The following ADAMTS9 variants were observed in gnomAD, a reference collection of about 807,000 sequenced individuals.
The protein encoded by ADAMTS9 is A disintegrin and metalloproteinase with thrombospondin motifs 9.
ADAMTS9 carries 107 observed loss-of-function variants against 257.1 expected under a neutral mutation model. That is an observed-to-expected ratio of 0.42 (90% CI 0.36 to 0.49). The LOEUF (loss-of-function observed/expected upper bound fraction) is 0.49, where lower values mean the gene tolerates loss of function less well. Ranked by LOEUF, ADAMTS9 falls within the 20% of genes least tolerant of loss-of-function variation. The pLI is 0.03. For synonymous variants in ADAMTS9, 982 were observed against 880.9 expected (o/e 1.11, Z -2.03); for missense variants, 2,353 against 2,469.1 (o/e 0.95, Z 1.00).
At chr3:64,618,121 T>C (rs62247596) in intron 19 of ADAMTS9, among the ~76,000 whole-genome samples, 25 of 152,198 alleles carry the variant, frequency 1.6e-4, no homozygotes, top group Non-Finnish European at 2.9e-4. Context: ...CATGATCTTC[T>C]GGTTAATTTT....
chr3:64,543,290 C>A (rs2083152253), intron 32 of ADAMTS9, among the ~76,000 whole-genome samples: 1 of 152,138 alleles, frequency 6.6e-6, no homozygotes, highest in Non-Finnish European at 1.5e-5. Flanking sequence ...ATTCTGATAC[C>A]AAAGCCTGGC....
Position 64,604,297 on chromosome 3 carries a change from G to C in ADAMTS9, c.3509C>G (p.Ala1170Gly). 6.2e-7 allele frequency: 1 copy of C among 1,612,920 alleles called. No homozygotes were observed. Among genetic ancestry groups the C allele is most frequent in the South Asian group, 1.1e-5 (1 of 90,828 alleles). ...TGTGCTTCTCCTCGTTTCCGGGGCA[G>C]CTGGGGGAGGATGACATGATGGTAA... ...CELPSCHPPP[A>G]APETRRSTYS... Residue 1170 changes from alanine to glycine, a missense_variant, in exon 24 of 40, where the codon GCT becomes GGT. Physicochemically the swap from Ala to Gly is moderately conservative, Grantham distance 60. Coordinates refer to ENST00000498707, the MANE Select transcript of ADAMTS9 (RefSeq NM_182920.2).
intron 28 of ADAMTS9, among the ~76,000 whole-genome samples, chr3:64,584,723 A>T (rs116186029): frequency 6.6e-6 from 1 of 152,006 alleles, no homozygotes; most frequent in African/African-American, 2.4e-5. Context: ...TGAGTCCCCA[A>T]TTGCCAACAT....
chr3:64,666,358 T>C (rs1701354280), intron 3 of ADAMTS9, among the ~76,000 whole-genome samples: 1 of 152,160 alleles, frequency 6.6e-6, no homozygotes, highest in African/African-American at 2.4e-5. Flanking sequence ...TTTTGTAAGG[T>C]TTATCAAAAT....
chr3:64,561,338 T>TTTTGG, intron 30 of ADAMTS9: 1 of 337,394 alleles, frequency 3.0e-6, no homozygotes, highest in Non-Finnish European at 5.3e-6. Context: ...TTTTTTTTTT[T>TTTTGG]GAGGCGGCCA....
At chr3:64,658,905 C>A in intron 3 of ADAMTS9, 114 bp from the exon 4 acceptor site, 2 of 1,144,548 alleles carry the variant, frequency 1.7e-6, no homozygotes, top group Non-Finnish European at 2.5e-6. Flanking sequence ...CATACAAAAA[C>A]AAGTCCTCCA....
rs1479705179 is a variant in ADAMTS9 at position 64,621,185 on chromosome 3, A to C, written c.2742T>G (p.Ser914=). The change falls in exon 19 of 40, where the codon TCT becomes TCG. Residue 914 remains serine (S), a synonymous_variant. Coordinates refer to ENST00000498707, the MANE Select transcript of ADAMTS9 (RefSeq NM_182920.2). ...CTRESDQLTV[S]DQRCDRLPQP... is the part of the protein sequence containing the mutation. ...GGGGCAGCCGATCGCATCTTTGATC[A>C]GAAACAGTAAGCTGATCAGATTCCC... The C allele has an allele frequency of 1.2e-6, 2 of 1,613,958 alleles. No homozygotes were observed. The highest frequency in any genetic ancestry group is 1.7e-6 in the Non-Finnish European group (2 of 1,179,926).
At chr3:64,649,875 G>A in intron 9 of ADAMTS9, 97 bp from the exon 10 acceptor site, 1 of 1,381,512 alleles carries the variant, frequency 7.2e-7, no homozygotes, top group South Asian at 1.5e-5. Context: ...TGTAATGGTA[G>A]AGAGGACAGT....
chr3:64,540,986 TGTGC>T, intron 36 of ADAMTS9, 105 bp downstream of exon 36: 4 of 1,407,872 alleles, frequency 2.8e-6, no homozygotes, highest in Non-Finnish European at 3.9e-6. Flanking sequence ...CAATGTGCAA[TGTGC>T]AATGTGCAAT....
chr3:64,670,817 A>G (rs2107014241), intron 3 of ADAMTS9, among the ~76,000 whole-genome samples: 1 of 152,364 alleles, frequency 6.6e-6, no homozygotes, highest in African/African-American at 2.4e-5. Flanking sequence ...ACTACAATGA[A>G]ATTCCACTAA....
At chr3:64,580,408 C>T (rs2083968844) in intron 28 of ADAMTS9, among the ~76,000 whole-genome samples, 1 of 152,112 alleles carries the variant, frequency 6.6e-6, no homozygotes, top group South Asian at 2.1e-4. Context: ...AAATCATAGC[C>T]ACCCTCCTGC....
At chr3:64,640,870 G>A (rs913105916) in intron 12 of ADAMTS9, among the ~76,000 whole-genome samples, 7 of 151,950 alleles carry the variant, frequency 4.6e-5, no homozygotes, top group African/African-American at 1.5e-4. Context: ...ACAAATGCTG[G>A]GAAAAAAGTC....
At chr3:64,654,500 G>C (rs754409508) in intron 7 of ADAMTS9, 42 bp from the exon 8 acceptor site, 1 of 1,604,728 alleles carries the variant, frequency 6.2e-7, no homozygotes, top group Non-Finnish European at 8.5e-7. Flanking sequence ...ACTCTAAAAA[G>C]CAACTGTGGC....
rs369370226 is a variant in ADAMTS9 at position 64,550,706 on chromosome 3, G to A, written c.4869+186C>T. 6.0e-5 allele frequency: 39 copies of A among 655,218 alleles called. 1 individual carries two copies. Among genetic ancestry groups the A allele is most frequent in the Middle Eastern group, 4.1e-4 (1 of 2,420 alleles). The allele number at this position is 655,218 out of a possible 1,614,324, so 40.6% of individuals were successfully genotyped here. The stretch of plus-strand genomic sequence containing the variant: ...AGAGACCATCTCTTACATCTCTCCC[G>A]CTTTGCATACAAGGAATTCTAGCTT... On this transcript the variant is annotated intron_variant, in intron 31 of 39. Transcript: ENST00000498707.
chr3:64,618,048 A>G (rs1487569184), intron 19 of ADAMTS9, among the ~76,000 whole-genome samples: 1 of 152,154 alleles, frequency 6.6e-6, no homozygotes, highest in Non-Finnish European at 1.5e-5. Context: ...TCAGTGAACG[A>G]TTTTATTTTC....
intron 3 of ADAMTS9, among the ~76,000 whole-genome samples, chr3:64,678,797 A>C (rs1270840161): frequency 1.3e-5 from 2 of 152,180 alleles, no homozygotes; most frequent in Non-Finnish European, 2.9e-5. Context: ...GCCATATTCT[A>C]AACTGTTCTG....
chr3:64,655,637 A>C lies in ADAMTS9; in HGVS notation c.1108T>G (p.Trp370Gly). The change falls in exon 6 of 40, where the codon TGG becomes GGG. Residue 370 changes from tryptophan to glycine, a missense_variant. By Grantham distance (184) the Trp-to-Gly change is radical (BLOSUM62 -2). Coordinates refer to ENST00000498707, the MANE Select transcript of ADAMTS9 (RefSeq NM_182920.2). The stretch of plus-strand genomic sequence containing the variant: ...CCTGGACTGTTCTTCGAATGCTGCC[A>C]CTGGCAAAAGTTTTTTAATGTTGTC... Reference protein sequence around the residue: ...AQTTLKNFCQWQHSKNSPGGI... With the variant: ...AQTTLKNFCQGQHSKNSPGGI... The C allele has an allele frequency of 6.2e-7, 1 of 1,614,214 alleles. No individual in the cohort carries two copies. Among genetic ancestry groups the C allele is most frequent in the African/African-American group, 1.3e-5 (1 of 75,054 alleles).
At chr3:64,618,368 T>C (rs1437018515) in intron 19 of ADAMTS9, among the ~76,000 whole-genome samples, 2 of 152,180 alleles carry the variant, frequency 1.3e-5, no homozygotes, top group Non-Finnish European at 2.9e-5. Flanking sequence ...GTCAAAAAAA[T>C]AGTGACTTTC....
rs1233560237 is a variant in ADAMTS9, at chr3:64,581,387, T to A, written c.4357-12852A>T. Among the ~76,000 whole-genome samples, 4 of 152,184 alleles carry A rather than the reference T, an allele frequency of 2.6e-5. No individual in the cohort carries two copies. The East Asian group carries it at 7.7e-4, about 29-fold the overall frequency. ...TTTAATTTCATTTAAAATTTTAATC[T>A]ATTTATTTATTTATTTAGAGACCAG... On this transcript the variant is annotated intron_variant, in intron 28 of 39. Coordinates refer to ENST00000498707, the MANE Select transcript of ADAMTS9 (RefSeq NM_182920.2).
Sources: gnomAD v4.1 joint callset for allele counts (sites outside exome capture counted in the v4.1 genomes callset) on GRCh38, gnomAD v4.1.1 for gene constraint, MANE v1.5 for transcripts, NCBI Gene and HGNC (gene_info 2026-07-23, HGNC 2026-07-21) for gene names.